The following WDR70 variants were observed in gnomAD, a reference collection of about 807,000 sequenced individuals.
WDR70 encodes WD repeat-containing protein 70.
A neutral mutation model predicts 88.6 loss-of-function variants in WDR70; 53 were observed. The ratio of observed to expected loss-of-function variants is 0.60; its 90% confidence interval spans 0.48 to 0.75. WDR70 has a LOEUF of 0.75. Ranked by LOEUF, WDR70 falls within the 30% of genes least tolerant of loss-of-function variation. The pLI is 0.00. For synonymous variants in WDR70, 280 were observed against 270.0 expected (o/e 1.04, Z -0.36); for missense variants, 610 against 823.2 (o/e 0.74, Z 3.17).
At chr5:37,563,533 G>A (rs1466442202) in intron 9 of WDR70, among the ~76,000 whole-genome samples, 1 of 60,400 alleles carries the variant, frequency 1.7e-5, no homozygotes, top group Non-Finnish European at 3.8e-5. Flanking sequence ...CCTCCCGGAT[G>A]GGGCGGCTGG....
rs947659723 is a variant in WDR70 at position 37,752,629 on chromosome 5, GT to G, written c.*66del. The G allele has an allele frequency of 2.5e-3, 2,843 of 1,120,988 alleles. No individual in the cohort carries two copies. Among genetic ancestry groups the G allele is most frequent in the Admixed American group, 3.0e-3 (108 of 36,532 alleles). 69.4% of individuals were successfully genotyped at this position (1,120,988 alleles called of 1,614,324 possible). On this transcript the variant is annotated 3_prime_UTR_variant, in exon 18 of 18. Transcript: ENST00000265107. ...TGGGAGGGGTATGGGACAGGTTTGG[GT>G]TTTTTTTTTATGCTCATGAAATTAA... is the stretch of plus-strand genomic sequence containing the variant.
chr5:37,399,094 C>T (rs1375832782), intron 5 of WDR70, among the ~76,000 whole-genome samples: 2 of 152,138 alleles, frequency 1.3e-5, no homozygotes, highest in African/African-American at 2.4e-5. Context: ...CTGGCTAACA[C>T]GGTGAAAACC....
At chr5:37,588,294 T>G (rs1743421826) in intron 9 of WDR70, among the ~76,000 whole-genome samples, 1 of 152,126 alleles carries the variant, frequency 6.6e-6, no homozygotes, top group Admixed American at 6.6e-5. Flanking sequence ...ATAGATTATT[T>G]TGAAAGAAAT....
At chr5:37,512,092 C>G (rs1368691093) in intron 8 of WDR70, among the ~76,000 whole-genome samples, 2 of 152,170 alleles carry the variant, frequency 1.3e-5, no homozygotes, top group Non-Finnish European at 2.9e-5. Flanking sequence ...CAAGAATGCC[C>G]TTTCTTGCCT....
At chr5:37,433,297 G>A (rs969309416) in intron 5 of WDR70, among the ~76,000 whole-genome samples, 6 of 152,152 alleles carry the variant, frequency 3.9e-5, no homozygotes, top group African/African-American at 1.4e-4. Context: ...CTGGCCTCAA[G>A]TGATCCGCCT....
chr5:37,569,739 G>GTT (rs1742846395), intron 9 of WDR70, among the ~76,000 whole-genome samples: 2 of 152,282 alleles, frequency 1.3e-5, no homozygotes, highest in South Asian at 4.1e-4. Flanking sequence ...AAACAGCAAG[G>GTT]TAAAATACAG....
At chr5:37,541,182 TA>T (rs1741805946) in intron 9 of WDR70, among the ~76,000 whole-genome samples, 1 of 152,222 alleles carries the variant, frequency 6.6e-6, no homozygotes, top group African/African-American at 2.4e-5. Flanking sequence ...GTGAGTGACT[TA>T]ACCCATTTTC....
At chr5:37,487,627 A>ATTTTTTTTTTTTTTTTT (rs70978825) in intron 8 of WDR70, among the ~76,000 whole-genome samples, 1 of 69,070 alleles carries the variant, frequency 1.4e-5, no homozygotes, top group African/African-American at 5.0e-5. Flanking sequence ...ATATATATGT[A>ATTTTTTTTTTTTTTTTT]TTTTTTTTTT....
chr5:37,621,989 G>C lies in WDR70; in HGVS notation c.1092+16751G>C, dbSNP rs1006388644. Among the ~76,000 whole-genome samples, 51 of 152,222 alleles carry C rather than the reference G, an allele frequency of 3.4e-4. No individual in the cohort carries two copies. The East Asian group carries it at 9.7e-3, about 29-fold the overall frequency. On this transcript the variant is annotated intron_variant, in intron 10 of 17. Coordinates refer to ENST00000265107, the MANE Select transcript of WDR70 (RefSeq NM_018034.4). ...AGCACCATTTATTAAATAGGGAATA[G>C]TTTCCCCATTTCTTGTTTTTGTCAG...
intron 10 of WDR70, among the ~76,000 whole-genome samples, chr5:37,629,027 G>A (rs566508579): frequency 2.0e-5 from 3 of 152,230 alleles, no homozygotes; most frequent in East Asian, 3.9e-4. Flanking sequence ...ATTTCTGAAG[G>A]ATAGCTTTGC....
chr5:37,415,417 C>T (rs1314307004), intron 5 of WDR70, among the ~76,000 whole-genome samples: 7 of 98,250 alleles, frequency 7.1e-5, no homozygotes, highest in Non-Finnish European at 1.3e-4. Context: ...GGGGCTGACC[C>T]CCCCACCTCC....
intron 9 of WDR70, among the ~76,000 whole-genome samples, chr5:37,518,680 C>CTTTTTTTTTTTTTTTTTTT (rs35818980): frequency 8.1e-6 from 1 of 123,734 alleles, no homozygotes. Flanking sequence ...GCACAGATAT[C>CTTTTTTTTTTTTTTTTTTT]TTTTTTTTTT....
intron 5 of WDR70, among the ~76,000 whole-genome samples, chr5:37,433,322 A>G (rs545791576): frequency 2.0e-5 from 3 of 152,284 alleles, no homozygotes; most frequent in Admixed American, 2.0e-4. Context: ...TGGCCTTACA[A>G]AGTACTGGGA....
Position 37,479,871 on chromosome 5 carries a change from G to C in WDR70, c.724G>C (p.Asp242His), listed in dbSNP as rs769971527. Reference sequence around the variant, plus strand: ...GTCATTACAGTATAGTAACACAGGAGACATGATTCTTGTTGTATCTGGAAG... The same window carrying C: ...GTCATTACAGTATAGTAACACAGGACACATGATTCTTGTTGTATCTGGAAG... The part of the protein sequence containing the change: ...IKSLQYSNTG[D>H]MILVVSGSSQ... The change falls in exon 8 of 18, where the codon GAC becomes CAC. Residue 242 changes from aspartate to histidine, a missense_variant. By Grantham distance (81) the Asp-to-His change is moderately conservative (BLOSUM62 -1). Coordinates refer to ENST00000265107, the MANE Select transcript of WDR70 (RefSeq NM_018034.4). 6.2e-7 allele frequency: 1 copy of C among 1,614,072 alleles called. No homozygotes were observed. The highest frequency in any genetic ancestry group is 8.5e-7 in the Non-Finnish European group (1 of 1,180,006).
chr5:37,658,652 C>T (rs1454291429), intron 10 of WDR70, among the ~76,000 whole-genome samples: 3 of 152,126 alleles, frequency 2.0e-5, no homozygotes, highest in African/African-American at 7.2e-5. Flanking sequence ...TCCTGTACTC[C>T]ATTGTGAGGT....
At chr5:37,668,622 C>T (rs1403156033) in intron 10 of WDR70, among the ~76,000 whole-genome samples, 1 of 152,180 alleles carries the variant, frequency 6.6e-6, no homozygotes, top group Non-Finnish European at 1.5e-5. Flanking sequence ...TTTCAAGTTG[C>T]AAGCACACAG....
chr5:37,648,082 A>G (rs1412772846), intron 10 of WDR70, among the ~76,000 whole-genome samples: 2 of 152,150 alleles, frequency 1.3e-5, no homozygotes, highest in African/African-American at 2.4e-5. Context: ...TAGGTGTTAT[A>G]TGGTATTTTA....
intron 10 of WDR70, among the ~76,000 whole-genome samples, chr5:37,671,715 T>C (rs533709926): frequency 6.6e-6 from 1 of 152,322 alleles, no homozygotes; most frequent in Admixed American, 6.5e-5. Context: ...ACTAGAGTAA[T>C]AGGCAGACAT....
chr5:37,559,838 T>G (rs1222354380), intron 9 of WDR70, among the ~76,000 whole-genome samples: 1 of 147,924 alleles, frequency 6.8e-6, no homozygotes, highest in Non-Finnish European at 1.5e-5. Flanking sequence ...AGAGCAAAAT[T>G]CAGTATAAAA....
Sources: gnomAD v4.1 joint callset for allele counts (sites outside exome capture counted in the v4.1 genomes callset) on GRCh38, gnomAD v4.1.1 for gene constraint, MANE v1.5 for transcripts, NCBI Gene and HGNC (gene_info 2026-07-23, HGNC 2026-07-21) for gene names.